LYPD6B: variants seen among roughly 807,000 people sequenced by gnomAD.
LYPD6B encodes LY6/PLAUR domain containing 6B.
In LYPD6B, 17 loss-of-function variants were observed where a neutral mutation model predicts 22.8. The ratio of observed to expected loss-of-function variants is 0.75; its 90% CI spans 0.51 to 1.12. The LOEUF (loss-of-function observed/expected upper bound fraction) is 1.12, where lower values mean the gene tolerates loss of function less well. LYPD6B is among the 50% of genes most tolerant of loss of function. The pLI, the probability that LYPD6B is intolerant of heterozygous loss-of-function variation, is 0.00. For missense variants in LYPD6B, 221 were observed against 258.3 expected (o/e 0.86, Z 0.99); for synonymous variants, 106 against 91.6 (o/e 1.16, Z -0.90).
At chr2:149,039,492 G>T (rs758362115) in intron 1 of LYPD6B, among the ~76,000 whole-genome samples, 5 of 152,216 alleles carry the variant, frequency 3.3e-5, no homozygotes, top group Non-Finnish European at 5.9e-5. Context: ...GGGGATCAGA[G>T]AGTGGGAAAA....
At chr2:149,120,719 C>T (rs10930273) in intron 1 of LYPD6B, among the ~76,000 whole-genome samples, 14,519 of 147,520 alleles carry the variant, frequency 0.098, 2,124 homozygotes, top group African/African-American at 0.3. Flanking sequence ...TTCTGATGCA[C>T]GTCCAAATAT....
chr2:149,187,388 T>C, intron 3 of LYPD6B: 4 of 1,484,592 alleles, frequency 2.7e-6, no homozygotes, highest in Non-Finnish European at 3.6e-6. Flanking sequence ...CATGGTCCCA[T>C]GACTTGATAC....
intron 1 of LYPD6B, among the ~76,000 whole-genome samples, chr2:149,057,932 C>T (rs144039470): frequency 1.3e-5 from 2 of 152,280 alleles, no homozygotes; most frequent in African/African-American, 4.8e-5. Flanking sequence ...TTTACCATAG[C>T]CTAAGCCCTA....
intron 3 of LYPD6B, among the ~76,000 whole-genome samples, chr2:149,198,907 G>T (rs1230958707): frequency 6.6e-6 from 1 of 152,142 alleles, no homozygotes; most frequent in Non-Finnish European, 1.5e-5. Context: ...CAGAATATTA[G>T]AAGTGGAAGG....
chr2:149,122,954 G>A (rs1392019550), intron 1 of LYPD6B, among the ~76,000 whole-genome samples: 1 of 152,308 alleles, frequency 6.6e-6, no homozygotes, highest in African/African-American at 2.4e-5. Context: ...TCAAATTAGT[G>A]TCAAGCAGGA....
At chr2:149,061,198 AT>A (rs56064422) in intron 1 of LYPD6B, among the ~76,000 whole-genome samples, 104,928 of 140,848 alleles carry the variant, frequency 0.74, 41,974 homozygotes, top group East Asian at 0.89. Flanking sequence ...GCTGCAGTGC[AT>A]TTTTTTTTTT....
intron 3 of LYPD6B, among the ~76,000 whole-genome samples, chr2:149,173,528 A>G (rs1691017626): frequency 6.6e-6 from 1 of 152,168 alleles, no homozygotes; most frequent in African/African-American, 2.4e-5. Flanking sequence ...TCCGCAGGAT[A>G]CTATTAGCAC....
chr2:149,152,312 T>C (rs421182), intron 2 of LYPD6B, among the ~76,000 whole-genome samples: 98,074 of 151,330 alleles, frequency 0.65, 31,899 homozygotes, highest in South Asian at 0.76. Flanking sequence ...GGCCCTGTGC[T>C]AGATCATGGG....
At position 149,214,973 on chromosome 2, in the gene LYPD6B, C is replaced by T. The variant is rs1394950831; in HGVS notation, c.*263C>T. ...AGAGAGCTACGTTTGGGCAGTTCTG[C>T]AGAGAGGATCCTGGCAACTAGTCCC... is the stretch of plus-strand genomic sequence containing the variant. On this transcript the variant is annotated 3_prime_UTR_variant, in exon 7 of 7. Transcript: ENST00000409642. The T allele has an allele frequency of 4.2e-6, 2 of 471,778 alleles. No homozygotes were observed. The highest frequency in any genetic ancestry group is 7.0e-5 in the East Asian group (2 of 28,610). 29.2% of individuals were successfully genotyped at this position (471,778 alleles called of 1,614,324 possible).
chr2:149,204,094 T>G (rs1693348624), intron 3 of LYPD6B, among the ~76,000 whole-genome samples: 1 of 152,210 alleles, frequency 6.6e-6, no homozygotes, highest in African/African-American at 2.4e-5. Flanking sequence ...AGTATTCCAG[T>G]ATTTTCACAG....
chr2:149,139,384 A>T (rs62182751), intron 2 of LYPD6B, among the ~76,000 whole-genome samples: 13,320 of 152,162 alleles, frequency 0.088, 745 homozygotes, highest in South Asian at 0.14. Context: ...GCCTGTGCTG[A>T]TTTTCAGATG....
At chr2:149,149,817 C>T (rs1040952984) in intron 2 of LYPD6B, among the ~76,000 whole-genome samples, 2 of 152,288 alleles carry the variant, frequency 1.3e-5, no homozygotes, top group East Asian at 1.9e-4. Flanking sequence ...CTCCATGCAA[C>T]CTCTAAAGGG....
At chr2:149,160,441 T>C (rs755899199) in intron 2 of LYPD6B, 1 of 483,480 alleles carries the variant, frequency 2.1e-6, no homozygotes, top group South Asian at 1.5e-5. Flanking sequence ...TTCTGCCAGC[T>C]CTTTGGTAAG....
chr2:149,205,516 C>A (rs893402884), intron 4 of LYPD6B, 112 bp downstream of exon 4: 11 of 1,172,660 alleles, frequency 9.4e-6, no homozygotes, highest in Non-Finnish European at 1.3e-5. Context: ...TTTGTTTTAT[C>A]CCTAGAATAA....
At chr2:149,171,893 C>T (rs1690853396) in intron 3 of LYPD6B, among the ~76,000 whole-genome samples, 1 of 152,148 alleles carries the variant, frequency 6.6e-6, no homozygotes, top group African/African-American at 2.4e-5. Flanking sequence ...TCCTGAATTG[C>T]ATGTCTTCAA....
chr2:149,178,749 C>A (rs1348060488), intron 3 of LYPD6B, among the ~76,000 whole-genome samples: 1 of 152,188 alleles, frequency 6.6e-6, no homozygotes, highest in East Asian at 1.9e-4. Context: ...ATATATTCTT[C>A]TCTTTCTCAA....
At position 149,205,910 on chromosome 2, in the gene LYPD6B, T is replaced by C. The variant is rs115669131; in HGVS notation, c.229+506T>C. The C allele has an allele frequency of 7.5e-3, 2,453 of 328,590 alleles. 23 individuals are homozygous for C. The highest frequency in any genetic ancestry group is 0.013 in the Middle Eastern group (13 of 978). The allele number at this position is 328,590 out of a possible 1,614,324, so 20.4% of individuals were successfully genotyped here. ...AACTTTTCCACTAATAGTTTAAAGA[T>C]AGGCAAATATTAGTAACACATACAG... On this transcript the variant is annotated intron_variant, in intron 4 of 6. Coordinates refer to ENST00000409642, the MANE Select transcript of LYPD6B (RefSeq NM_177964.5).
intron 1 of LYPD6B, among the ~76,000 whole-genome samples, chr2:149,084,846 C>A (rs1685314476): frequency 6.6e-6 from 1 of 152,118 alleles, no homozygotes; most frequent in South Asian, 2.1e-4. Context: ...CCTTGAGTTT[C>A]TTCTGTGATT....
At chr2:149,142,096 G>A (rs2105775124) in intron 2 of LYPD6B, 1 of 152,332 alleles carries the variant, frequency 6.6e-6, no homozygotes, top group South Asian at 2.1e-4. Flanking sequence ...CTGCATATTA[G>A]AAACTTCTGC....
Sources: gnomAD v4.1 joint callset for allele counts (sites outside exome capture counted in the v4.1 genomes callset) on GRCh38, gnomAD v4.1.1 for gene constraint, MANE v1.5 for transcripts, NCBI Gene and HGNC (gene_info 2026-07-23, HGNC 2026-07-21) for gene names.